The following PNPLA5 variants were observed in gnomAD, a reference collection of about 807,000 sequenced individuals.
PNPLA5 encodes patatin-like phospholipase domain-containing protein 5.
PNPLA5 carries 44 observed loss-of-function variants against 49.1 expected under a neutral mutation model. The ratio of observed to expected loss-of-function variants is 0.90; its 90% CI spans 0.70 to 1.15. The LOEUF is 1.15. PNPLA5 is among the 50% of genes most tolerant of loss of function. The pLI is 0.00. For synonymous variants in PNPLA5, 243 were observed against 244.4 expected (o/e 0.99, Z 0.06); for missense variants, 603 against 564.0 (o/e 1.07, Z -0.70).
chr22:43,881,413 G>A (rs1054757497), intron 8 of PNPLA5, 145 bp downstream of exon 8: 8 of 802,148 alleles, frequency 1.0e-5, no homozygotes, highest in Non-Finnish European at 1.6e-5. Flanking sequence ...CGTGCCAATG[G>A]CTGCATGAGT....
chr22:43,889,530 G>T lies in PNPLA5; in HGVS notation c.501C>A (p.Ile167=). The change falls in exon 4 of 9, where the codon ATC becomes ATA. Residue 167 remains isoleucine (I), a synonymous_variant. Transcript: ENST00000216177. ...GCAAGTTGTTGCTCAGAGCCCCATCGATGTAGCGCTGCAATTTGTGGGGAG... is the reference window on the plus strand; with the variant it reads ...GCAAGTTGTTGCTCAGAGCCCCATCTATGTAGCGCTGCAATTTGTGGGGAG... ...IPPEFRGERY[I]DGALSNNLPF... The T allele has an allele frequency of 1.9e-6, 3 of 1,605,902 alleles. No homozygotes were observed. The highest frequency in any genetic ancestry group is 1.7e-6 in the Non-Finnish European group (2 of 1,174,658).
At chr22:43,880,990 C>A in intron 8 of PNPLA5, 105 bp from the exon 9 acceptor site, 2 of 1,245,582 alleles carry the variant, frequency 1.6e-6, no homozygotes, top group East Asian at 6.2e-5. Flanking sequence ...TCACTCTTCC[C>A]CCAAATCCTG....
At chr22:43,890,691 A>G (rs763914989) in intron 2 of PNPLA5, among the ~76,000 whole-genome samples, 1 of 152,180 alleles carries the variant, frequency 6.6e-6, no homozygotes, top group Non-Finnish European at 1.5e-5. Flanking sequence ...TGCCTAGAAT[A>G]GTGACTGGCA....
rs8139552 is a variant in PNPLA5 at position 43,891,076 on chromosome 22, C to T, written c.412G>A (p.Asp138Asn). The change falls in exon 2 of 9, where the codon GAT becomes AAT. Residue 138 changes from aspartate to asparagine, a missense_variant. Physicochemically the swap from Asp to Asn is conservative, Grantham distance 23. Coordinates refer to ENST00000216177, the MANE Select transcript of PNPLA5 (RefSeq NM_138814.4). Reference sequence around the variant, plus strand: ...CCGCCCCACACCTGGATGAGCTCATCGCAGGTGGCGAAGTCAGTGACCAAG... The same window carrying T: ...CCGCCCCACACCTGGATGAGCTCATTGCAGGTGGCGAAGTCAGTGACCAAG... ...NFLVTDFATC[D>N]ELIQALVCTL... 6.0e-4 allele frequency: 972 copies of T among 1,610,214 alleles called. 5 individuals carry two copies. In the African/African-American group the frequency reaches 0.011, roughly 18 times the overall value.
At chr22:43,883,341 TG>T (rs1358831113) in intron 7 of PNPLA5, among the ~76,000 whole-genome samples, 6 of 152,238 alleles carry the variant, frequency 3.9e-5, no homozygotes. Flanking sequence ...GGCCAGGAGC[TG>T]GGTCTGCGTC....
intron 1 of PNPLA5, 73 bp downstream of exon 1, chr22:43,891,615 C>A (rs1167054620): frequency 1.4e-6 from 2 of 1,455,830 alleles, no homozygotes; most frequent in African/African-American, 1.5e-5. Flanking sequence ...CGCCAGGCAC[C>A]AGCGTCTCTG....
rs763516204 is a variant in PNPLA5, at chr22:43,891,124, G to A, written c.364C>T (p.Arg122Cys). Reference sequence around the variant, plus strand: ...AAGAAGTTGCGTCCGTCAGGCCAGCGGGTCAGCGAAATGCCCAGCCGCTGG... The same window carrying A: ...AAGAAGTTGCGTCCGTCAGGCCAGCAGGTCAGCGAAATGCCCAGCCGCTGG... ...ASQRLGISLT[R>C]WPDGRNFLVT... The change falls in exon 2 of 9, where the codon CGC becomes TGC. Residue 122 changes from arginine to cysteine, a missense_variant. Arg to Cys is a radical substitution (Grantham distance 180). Transcript: ENST00000216177. 2.5e-6 allele frequency: 4 copies of A among 1,608,816 alleles called. No individual in the cohort carries two copies. Among genetic ancestry groups the A allele is most frequent in the South Asian group, 1.1e-5 (1 of 90,698 alleles).
In PNPLA5 at chr22:43,879,813, C is replaced by T. The variant is rs2049590679; in HGVS notation, c.*982G>A. Reference sequence around the variant, plus strand: ...CAAATGATCCTCCATCCTCAGCCTCCCAAGTAGCCAGGACCACAGGCATGC... The same window carrying T: ...CAAATGATCCTCCATCCTCAGCCTCTCAAGTAGCCAGGACCACAGGCATGC... On this transcript the variant is annotated 3_prime_UTR_variant, in exon 9 of 9. Coordinates refer to ENST00000216177, the MANE Select transcript of PNPLA5 (RefSeq NM_138814.4). 1 of 152,184 alleles carries T rather than the reference C, an allele frequency of 6.6e-6. No homozygotes were observed. Among genetic ancestry groups the T allele is most frequent in the South Asian group, 2.1e-4 (1 of 4,830 alleles). 9.4% of individuals were successfully genotyped at this position (152,184 alleles called of 1,614,324 possible).
intron 4 of PNPLA5, among the ~76,000 whole-genome samples, chr22:43,888,588 C>T (rs2049691508): frequency 1.3e-5 from 2 of 151,858 alleles, no homozygotes; most frequent in Admixed American, 6.6e-5. Context: ...GCATGCGCCA[C>T]CATGCCCAGC....
intron 7 of PNPLA5, 62 bp downstream of exon 7, chr22:43,884,151 G>T: frequency 1.4e-6 from 2 of 1,387,386 alleles, no homozygotes; most frequent in Non-Finnish European, 9.5e-7. Flanking sequence ...CGCCCCTCCT[G>T]CCATGGGCAC....
chr22:43,886,445 T>C lies in PNPLA5; in HGVS notation c.807A>G (p.Glu269=). The change falls in exon 6 of 9, where the codon GAA becomes GAG. Residue 269 remains glutamate, a synonymous_variant. Coordinates refer to ENST00000216177, the MANE Select transcript of PNPLA5 (RefSeq NM_138814.4). Reference sequence around the variant, plus strand: ...AGTTTCCGTCAGCCGGGGCTGGGGGTTCCTTAGACACCAGCGTCCATAGCA... The same window carrying C: ...AGTTTCCGTCAGCCGGGGCTGGGGGCTCCTTAGACACCAGCGTCCATAGCA... ...EPVLWTLVSK[E]PPAPADGNWD... 1 of 1,613,978 alleles carries C rather than the reference T, an allele frequency of 6.2e-7. No homozygotes were observed. The highest frequency in any genetic ancestry group is 1.1e-5 in the South Asian group (1 of 91,056).
At position 43,889,351 on chromosome 22, in the gene PNPLA5, C is replaced by A; in HGVS notation, c.680G>T (p.Cys227Phe). 6.2e-7 allele frequency: 1 copy of A among 1,613,996 alleles called. No individual in the cohort carries two copies. Among genetic ancestry groups the A allele is most frequent in the South Asian group, 1.1e-5 (1 of 91,062 alleles). ...STENFFLGLI[C>F]LIPPSLEVVA... is the part of the protein sequence containing the mutation. Reference sequence around the variant, plus strand: ...TACCTCGAGGCTGGGGGGTATGAGACATATGAGCCCCAGGAAGAAGTTCTC... The same window carrying A: ...TACCTCGAGGCTGGGGGGTATGAGAAATATGAGCCCCAGGAAGAAGTTCTC... Residue 227 changes from cysteine (C) to phenylalanine (F), a missense_variant, in exon 4 of 9, where the codon TGT (cysteine) becomes TTT (phenylalanine). Coordinates refer to ENST00000216177, the MANE Select transcript of PNPLA5 (RefSeq NM_138814.4).
chr22:43,890,144 C>A, intron 2 of PNPLA5: 1 of 902,126 alleles, frequency 1.1e-6, no homozygotes, highest in Non-Finnish European at 1.3e-6. Flanking sequence ...CAAAGAGTGG[C>A]CCAGACTCCT....
At chr22:43,885,020 T>TC (rs1417928456) in intron 6 of PNPLA5, among the ~76,000 whole-genome samples, 1 of 152,146 alleles carries the variant, frequency 6.6e-6, no homozygotes, top group Non-Finnish European at 1.5e-5. Context: ...CTAGGACGAG[T>TC]CCTAGCTTCC....
chr22:43,881,828 G>A, intron 7 of PNPLA5, 154 bp from the exon 8 acceptor site: 1 of 935,186 alleles, frequency 1.1e-6, no homozygotes. Flanking sequence ...GGCCACTGTT[G>A]CAGAGCAGGT....
chr22:43,881,976 G>T (rs1199627898), intron 7 of PNPLA5, among the ~76,000 whole-genome samples: 1 of 152,132 alleles, frequency 6.6e-6, no homozygotes, highest in Admixed American at 6.5e-5. Context: ...GGACCTTTGG[G>T]GTCAGGCTGG....
At chr22:43,881,778 T>G in intron 7 of PNPLA5, 104 bp from the exon 8 acceptor site, 1 of 1,491,614 alleles carries the variant, frequency 6.7e-7, no homozygotes, top group Non-Finnish European at 8.9e-7. Flanking sequence ...GCCCTGCTCC[T>G]GAGGGCTGCC....
At chr22:43,884,409 C>T (rs572468031) in intron 6 of PNPLA5, 64 bp from the exon 7 acceptor site, 1 of 1,467,934 alleles carries the variant, frequency 6.8e-7, no homozygotes, top group South Asian at 1.4e-5. Flanking sequence ...ACCTGAGCCC[C>T]CCCATTTCAC....
intron 1 of PNPLA5, 121 bp from the exon 2 acceptor site, chr22:43,891,415 T>C (rs2049722250): frequency 4.9e-6 from 7 of 1,414,560 alleles, no homozygotes; most frequent in Middle Eastern, 2.6e-4. Context: ...GCTCAGAATT[T>C]CTGGGCTCGG....
Sources: allele counts gnomAD v4.1 joint callset (sites outside exome capture counted in the v4.1 genomes callset), GRCh38; gene constraint gnomAD v4.1.1; transcripts MANE v1.5; gene names NCBI Gene and HGNC (gene_info 2026-07-23, HGNC 2026-07-21).